The following KRT76 variants were observed in gnomAD, a reference collection of about 807,000 sequenced individuals.
KRT76 encodes the protein keratin 76, also known as keratin, type II cytoskeletal 2 oral.
In KRT76, 47 loss-of-function variants were observed where a neutral mutation model predicts 44.9. The observed-to-expected ratio is 1.05, with a 90% confidence interval of 0.83 to 1.33. The LOEUF (loss-of-function observed/expected upper bound fraction) is 1.33, where lower values mean the gene tolerates loss of function less well. Ranked by LOEUF, KRT76 falls within the 40% of genes most tolerant of loss-of-function variation. The probability of loss-of-function intolerance (pLI) is 0.00; values close to 1 mark genes in which losing one functional copy is unlikely to be tolerated. For synonymous variants in KRT76, 331 were observed against 294.1 expected (o/e 1.13, Z -1.28); for missense variants, 860 against 775.8 (o/e 1.11, Z -1.29).
Position 52,768,919 on chromosome 12 carries a change from C to A in KRT76, c.1711G>T (p.Gly571Cys). ...CTGCTCTGGTAGCTCCCGCTGCTACCCCTGCCCCCAGTGCTGCCACTGCTG... is the reference window on the plus strand; with the variant it reads ...CTGCTCTGGTAGCTCCCGCTGCTACACCTGCCCCCAGTGCTGCCACTGCTG... ...GVSSGSTGGR[G>C]SSGSYQSSSS... Residue 571 changes from glycine (G) to cysteine (C), a missense_variant, in exon 9 of 9, where the codon GGT becomes TGT. Transcript: ENST00000332411. 6.3e-7 allele frequency: 1 copy of A among 1,595,524 alleles called. No homozygotes were observed. Among genetic ancestry groups the A allele is most frequent in the African/African-American group, 1.3e-5 (1 of 74,608 alleles).
chr12:52,771,215 G>T lies in KRT76; in HGVS notation c.1268C>A (p.Ala423Asp). Residue 423 changes from alanine to aspartate, a missense_variant, in exon 7 of 9, where the codon GCC becomes GAC. Transcript: ENST00000332411. ...AEIENVKKQNANLQTAIAEAE... is the reference protein window; with the variant it reads ...AEIENVKKQNDNLQTAIAEAE... ...CTCTGCAATTGCCGTCTGCAGGTTGGCATTCTGAGGTAGAAAATCAATTAG... is the reference window on the plus strand; with the variant it reads ...CTCTGCAATTGCCGTCTGCAGGTTGTCATTCTGAGGTAGAAAATCAATTAG... 2 of 1,614,034 alleles carry T rather than the reference G, an allele frequency of 1.2e-6. No homozygotes were observed. The highest frequency in any genetic ancestry group is 2.2e-5 in the South Asian group (2 of 91,064).
At chr12:52,775,890 G>C (rs1194321769) in intron 1 of KRT76, among the ~76,000 whole-genome samples, 1 of 152,126 alleles carries the variant, frequency 6.6e-6, no homozygotes, top group African/African-American at 2.4e-5. Context: ...GAGACTCAAA[G>C]AGTTTAAGTT....
chr12:52,772,238 G>T lies in KRT76; in HGVS notation c.993C>A (p.Ser331Arg). 2.5e-6 allele frequency: 4 copies of T among 1,604,862 alleles called. No individual in the cohort carries two copies. Among genetic ancestry groups the T allele is most frequent in the South Asian group, 1.1e-5 (1 of 88,860 alleles). The change falls in exon 5 of 9, where the codon AGC (serine) becomes AGA (arginine). Residue 331 changes from serine to arginine, a missense_variant. Transcript: ENST00000332411. ...LYEMELSQMQ[S>R]HASDTSVVLS... is the part of the protein sequence containing the mutation. ...GAACCACAGACGTGTCACTGGCATG[G>T]CTTTGCATCTGGGACAGCTCCTGCA...
Position 52,768,554 on chromosome 12 carries a change from T to G in KRT76, c.*159A>C. The stretch of plus-strand genomic sequence containing the variant: ...CAGGACCTCCATGGCCCTGGGAAGG[T>G]CATGGGGATGGAGAAACCAGGAGTT... On this transcript the variant is annotated 3_prime_UTR_variant, in exon 9 of 9. Transcript: ENST00000332411. The G allele has an allele frequency of 1.2e-6, 1 of 811,228 alleles. No homozygotes were observed. 50.3% of individuals were successfully genotyped at this position (811,228 alleles called of 1,614,324 possible).
Position 52,768,917 on chromosome 12 carries a change from A to C in KRT76, c.1713T>G (p.Gly571=). 2 of 1,593,816 alleles carry C rather than the reference A, an allele frequency of 1.3e-6. No individual in the cohort carries two copies. Among genetic ancestry groups the C allele is most frequent in the African/African-American group, 1.3e-5 (1 of 74,438 alleles). ...TGCTGCTCTGGTAGCTCCCGCTGCTACCCCTGCCCCCAGTGCTGCCACTGC... is the reference window on the plus strand; with the variant it reads ...TGCTGCTCTGGTAGCTCCCGCTGCTCCCCCTGCCCCCAGTGCTGCCACTGC... ...GVSSGSTGGR[G]SSGSYQSSSS... is the part of the protein sequence containing the mutation. The change falls in exon 9 of 9, where the codon GGT becomes GGG. Residue 571 remains glycine (G), a synonymous_variant. Coordinates refer to ENST00000332411, the MANE Select transcript of KRT76 (RefSeq NM_015848.4).
chr12:52,769,487 G>C, intron 8 of KRT76, 62 bp downstream of exon 8: 1 of 1,391,570 alleles, frequency 7.2e-7, no homozygotes, highest in Non-Finnish European at 1.0e-6. Context: ...GTCAGTCAGT[G>C]AGGTTGTTTC....
rs561335069 is a variant in KRT76 at position 52,769,371 on chromosome 12, G to T, written c.1519+178C>A. 2.0e-5 allele frequency among the ~76,000 whole-genome samples: 3 copies of T among 152,344 alleles called. No individual in the cohort carries two copies. In the East Asian group the frequency reaches 5.8e-4, roughly 29 times the overall value. On this transcript the variant is annotated intron_variant, in intron 8 of 8. Coordinates refer to ENST00000332411, the MANE Select transcript of KRT76 (RefSeq NM_015848.4). ...GAGGGGCTTTAGCTTTGGCCTGAGA[G>T]GTTGTCAGCTTACACTAGGGGCAGA... is the stretch of plus-strand genomic sequence containing the variant.
intron 6 of KRT76, among the ~76,000 whole-genome samples, chr12:52,771,651 G>A (rs147604364): frequency 6.6e-6 from 1 of 152,292 alleles, no homozygotes; most frequent in East Asian, 1.9e-4. Flanking sequence ...GATTTGTTAG[G>A]CAAACTAGAA....
chr12:52,769,612 T>C, intron 7 of KRT76, 29 bp from the exon 8 acceptor site: 1 of 1,605,540 alleles, frequency 6.2e-7, no homozygotes, highest in Non-Finnish European at 8.5e-7. Context: ...GGTGAATTCT[T>C]TCTGTTATGA....
intron 2 of KRT76, among the ~76,000 whole-genome samples, chr12:52,774,627 T>C (rs1045148302): frequency 2.6e-5 from 4 of 152,048 alleles, no homozygotes; most frequent in African/African-American, 9.7e-5. Flanking sequence ...AGAAAAGAGG[T>C]CTCTGGGATC....
Position 52,771,960 on chromosome 12 carries a change from C to A in KRT76, c.1174G>T (p.Asp392Tyr), listed in dbSNP as rs1046195104. ...ELQTTAGRHG[D>Y]DLRNTKSEIM... ...TCACTCTTGGTGTTCCTCAGGTCATCCCCATGCCTGCCAGCTGTGGTCTGC... is the reference window on the plus strand; with the variant it reads ...TCACTCTTGGTGTTCCTCAGGTCATACCCATGCCTGCCAGCTGTGGTCTGC... The change falls in exon 6 of 9, where the codon GAT becomes TAT. Residue 392 changes from aspartate (D) to tyrosine (Y), a missense_variant. Asp to Tyr is a radical substitution (Grantham distance 160). Transcript: ENST00000332411. 6.2e-7 allele frequency: 1 copy of A among 1,614,018 alleles called. No homozygotes were observed. The highest frequency in any genetic ancestry group is 8.5e-7 in the Non-Finnish European group (1 of 1,180,004).
chr12:52,777,164 G>T lies in KRT76; in HGVS notation c.128C>A (p.Ala43Asp). ...GCCTGCTCCGCTCCTGAAGCCACAG[G>T]CCCCTCCACCAGCTCCCCCAGAGCG... ...VARSGGAGGG[A>D]CGFRSGAGSF... is the part of the protein sequence containing the mutation. The change falls in exon 1 of 9, where the codon GCC (alanine) becomes GAC (aspartate). Residue 43 changes from alanine to aspartate, a missense_variant. Coordinates refer to ENST00000332411, the MANE Select transcript of KRT76 (RefSeq NM_015848.4). The T allele has an allele frequency of 1.2e-6, 2 of 1,614,178 alleles. No homozygotes were observed. Among genetic ancestry groups the T allele is most frequent in the Admixed American group, 1.7e-5 (1 of 60,030 alleles).
At position 52,768,988 on chromosome 12, in the gene KRT76, C is replaced by CGCT. The variant is rs534966770; in HGVS notation, c.1641_1642insAGC (p.Ser547dup). ...CCGCTGCCGCCACTGACTCCATAGC[C>CGCT]ACTGCTGCTGCTGCTGCTGCTGCCG... On this transcript the variant is annotated inframe_insertion, in exon 9 of 9. Transcript: ENST00000332411. The CGCT allele has an allele frequency of 9.3e-3, 8,377 of 901,600 alleles. 381 individuals carry two copies. The African/African-American group carries it at 0.11, about 12-fold the overall frequency. 55.9% of individuals were successfully genotyped at this position (901,600 alleles called of 1,614,324 possible).
Position 52,771,007 on chromosome 12 carries a change from C to T in KRT76, c.1476G>A (p.Glu492=), listed in dbSNP as rs772770496. Residue 492 remains glutamate, a synonymous_variant, in exon 7 of 9, where the codon GAG becomes GAA. Transcript: ENST00000332411. The part of the protein sequence containing the change: ...IATYRKLLEG[E]ECRMSGECQS... ...ATCCCATGGCCCCTCACCTGCACTC[C>T]TCTCCCTCCAGCAGCTTGCGGTAGG... The T allele has an allele frequency of 6.8e-6, 11 of 1,614,024 alleles. No homozygotes were observed. The African/African-American group carries it at 1.1e-4, about 16-fold the overall frequency.
rs1939272009 is a variant in KRT76, at chr12:52,776,972, C to A, written c.320G>T (p.Gly107Val). Residue 107 changes from glycine to valine, a missense_variant, in exon 1 of 9, where the codon GGT (glycine) becomes GTT (valine). Coordinates refer to ENST00000332411, the MANE Select transcript of KRT76 (RefSeq NM_015848.4). ...ACCACTACCTACTCCTCTGCCACCACCAAAGCCACCACCATAGCTGCCCCC... is the reference window on the plus strand; with the variant it reads ...ACCACTACCTACTCCTCTGCCACCAACAAAGCCACCACCATAGCTGCCCCC... ...GFGGSYGGGF[G>V]GGRGVGSGFG... The A allele has an allele frequency of 6.2e-7, 1 of 1,613,870 alleles. No individual in the cohort carries two copies. The highest frequency in any genetic ancestry group is 1.3e-5 in the African/African-American group (1 of 74,912).
Position 52,768,747 on chromosome 12 carries a change from G to A in KRT76, c.1883C>T (p.Thr628Ile). The A allele has an allele frequency of 1.2e-6, 2 of 1,606,684 alleles. No homozygotes were observed. Among genetic ancestry groups the A allele is most frequent in the Non-Finnish European group, 1.7e-6 (2 of 1,173,942 alleles). ...GGSTSIRFSQTTSSSQHSSTK is the reference protein window; with the variant it reads ...GGSTSIRFSQITSSSQHSSTK ...GGAGCTATGCTGGCTTGAGCTCGTG[G>A]TCTGGGAGAAGCGGATACTGGTGCT... Residue 628 changes from threonine (T) to isoleucine (I), a missense_variant, in exon 9 of 9, where the codon ACC becomes ATC. By Grantham distance (89) the Thr-to-Ile change is moderately conservative. Coordinates refer to ENST00000332411, the MANE Select transcript of KRT76 (RefSeq NM_015848.4).
chr12:52,777,227 G>A lies in KRT76; in HGVS notation c.65C>T (p.Ala22Val), dbSNP rs1347187087. 3.7e-6 allele frequency: 6 copies of A among 1,614,096 alleles called. No individual in the cohort carries two copies. The highest frequency in any genetic ancestry group is 5.1e-6 in the Non-Finnish European group (6 of 1,180,040). The change falls in exon 1 of 9, where the codon GCT (alanine) becomes GTT (valine). Residue 22 changes from alanine to valine, a missense_variant. Coordinates refer to ENST00000332411, the MANE Select transcript of KRT76 (RefSeq NM_015848.4). ...GRSQGFSGRS[A>V]VVSGSSRMSC... Reference sequence around the variant, plus strand: ...CATCCTGCTGCTGCCGGAGACCACAGCAGAGCGGCCAGAGAAACCCTGGCT... The same window carrying A: ...CATCCTGCTGCTGCCGGAGACCACAACAGAGCGGCCAGAGAAACCCTGGCT...
intron 7 of KRT76, 106 bp from the exon 8 acceptor site, chr12:52,769,689 G>T (rs113217810): frequency 2.3e-5 from 21 of 901,926 alleles, no homozygotes; most frequent in Middle Eastern, 4.4e-4. Context: ...CCCCACTAGG[G>T]GTCAAGCTCC....
chr12:52,773,463 AGT>A, intron 3 of KRT76, 117 bp downstream of exon 3: 1 of 625,928 alleles, frequency 1.6e-6, no homozygotes, highest in Non-Finnish European at 2.8e-6. Flanking sequence ...TGTAAGGAAA[AGT>A]GTCAATCCCA....
Sources: allele counts gnomAD v4.1 joint callset (sites outside exome capture counted in the v4.1 genomes callset), GRCh38; gene constraint gnomAD v4.1.1; transcripts MANE v1.5; gene names NCBI Gene and HGNC (gene_info 2026-07-23, HGNC 2026-07-21).